Variants in ATP11C observed in about 807,000 individuals in gnomAD.
The protein encoded by ATP11C is phospholipid-transporting ATPase IG.
ATP11C carries 36 observed loss-of-function variants against 97.4 expected under a neutral mutation model. The ratio of observed to expected loss-of-function variants is 0.37; its 90% CI spans 0.28 to 0.49. The LOEUF is 0.49. Ranked by LOEUF, ATP11C falls within the 20% of genes least tolerant of loss-of-function variation. The pLI is 0.98. For missense variants in ATP11C, 730 were observed against 824.6 expected, an observed-to-expected ratio of 0.89 and a Z score of 1.40; for synonymous variants, 275 against 290.9, an observed-to-expected ratio of 0.95 and a Z score of 0.56.
At chrX:139,783,982 A>G (rs2082518859) in intron 16 of ATP11C, among the ~76,000 whole-genome samples, 1 of 112,530 alleles carries the variant, frequency 8.9e-6, no homozygotes, top group Admixed American at 9.4e-5. Flanking sequence ...AAACTATATT[A>G]ACTAGCTTCT....
intron 1 of ATP11C, among the ~76,000 whole-genome samples, chrX:139,920,962 T>C (rs1444959787): frequency 8.9e-6 from 1 of 111,870 alleles, no homozygotes. Flanking sequence ...TTTTCAGAAA[T>C]AGAACCTACT....
rs778666537 is a variant in ATP11C, at chrX:139,798,722, G to C, written c.732C>G (p.Leu244=). The change falls in exon 9 of 30, where the codon CTC becomes CTG. Residue 244 remains leucine, a synonymous_variant. Transcript: ENST00000682941. The stretch of plus-strand genomic sequence containing the variant: ...TTTTTAGCGTAGCTCCTTTCAGCAA[G>C]AGATTTTCAGGTCCCAAAGACCTAA... ...AVARSLGPEN[L]LLKGATLKNT... 32 of 1,206,315 alleles carry C rather than the reference G, an allele frequency of 2.7e-5. No homozygotes were observed. The highest frequency in any genetic ancestry group is 3.6e-5 in the Non-Finnish European group (32 of 892,016).
rs1414696849 is a variant in ATP11C, at chrX:139,796,971, A to C, written c.1008+205T>G. Among the ~76,000 whole-genome samples, 4 of 110,832 alleles carry C rather than the reference A, an allele frequency of 3.6e-5. No homozygotes were observed. In the East Asian group the frequency reaches 1.1e-3, roughly 31 times the overall value. ...TCTTTCTTTTACAATAAAGAAAATA[A>C]AAGTTTTTTTTACAAAAAAAACTTT... On this transcript the variant is annotated intron_variant, in intron 11 of 29. Coordinates refer to ENST00000682941, the MANE Select transcript of ATP11C (RefSeq NM_001353812.2).
At chrX:139,921,147 T>C (rs1396239826) in intron 1 of ATP11C, among the ~76,000 whole-genome samples, 1 of 111,509 alleles carries the variant, frequency 9.0e-6, no homozygotes, top group Non-Finnish European at 1.9e-5. Context: ...GCAGTCATGA[T>C]GATAAAGAAA....
chrX:139,769,281 CATATAT>C (rs55984113), intron 19 of ATP11C, among the ~76,000 whole-genome samples: 1,473 of 27,926 alleles, frequency 0.053, 29 homozygotes, highest in African/African-American at 0.077. Context: ...GGCAAACATA[CATATAT>C]ATATATATAT....
intron 1 of ATP11C, among the ~76,000 whole-genome samples, chrX:139,855,148 T>C (rs1420080137): frequency 8.9e-6 from 1 of 111,831 alleles, no homozygotes; most frequent in African/African-American, 3.3e-5. Context: ...CATTGTCAAA[T>C]ATAAAATGGT....
At position 139,757,790 on chromosome X, in the gene ATP11C, A is replaced by C. The variant is rs770133537; in HGVS notation, c.2700+18T>G. 2 of 1,134,602 alleles carry C rather than the reference A, an allele frequency of 1.8e-6. No homozygotes were observed. The highest frequency in any genetic ancestry group is 4.9e-5 in the Admixed American group (2 of 41,219). 93.5% of individuals were successfully genotyped at this position (1,134,602 alleles called of 1,213,427 possible). On this transcript the variant is annotated intron_variant, in intron 23 of 29. Coordinates refer to ENST00000682941, the MANE Select transcript of ATP11C (RefSeq NM_001353812.2). ...GCAAATGTAAACTATATTATAACGA[A>C]TAACTTGAGAAACAAACCTGTTGTG... is the stretch of plus-strand genomic sequence containing the variant.
Position 139,853,833 on chromosome X carries a change from C to CAAAAAAAAAAAAAAAAAAAAAAAAAAA in ATP11C, c.28-27037_28-27011dup, listed in dbSNP as rs934664774. On this transcript the variant is annotated intron_variant, in intron 1 of 29. Transcript: ENST00000682941. ...TCACCAGTTCAGAACTATCCTAAGT[C>CAAAAAAAAAAAAAAAAAAAAAAAAAAA]AAAAAAAAAAAAAAAAAAAAAAAAA... 9.4e-5 allele frequency among the ~76,000 whole-genome samples: 2 copies of CAAAAAAAAAAAAAAAAAAAAAAAAAAA among 21,270 alleles called. 1 individual carries two copies. The highest frequency in any genetic ancestry group is 3.4e-4 in the African/African-American group (2 of 5,799). 18.5% of individuals were successfully genotyped at this position (21,270 alleles called of 115,157 possible).
intron 1 of ATP11C, among the ~76,000 whole-genome samples, chrX:139,839,327 T>G (rs972907446): frequency 8.9e-6 from 1 of 111,955 alleles, no homozygotes; most frequent in Admixed American, 9.4e-5. Flanking sequence ...AAAATATAAA[T>G]GTACTAAATT....
chrX:139,935,486 G>A (rs76032787), upstream of ATP11C, among the ~76,000 whole-genome samples: 529 of 111,224 alleles, frequency 4.8e-3, 5 homozygotes, highest in African/African-American at 0.016. Context: ...CAATTGAATC[G>A]CTTGAACCTG....
At chrX:139,925,289 G>GATT (rs199593828) in intron 1 of ATP11C, among the ~76,000 whole-genome samples, 9 of 111,819 alleles carry the variant, frequency 8.0e-5, no homozygotes, top group Admixed American at 6.7e-4. Flanking sequence ...AAGCATACAG[G>GATT]ATTATTATTA....
intron 1 of ATP11C, among the ~76,000 whole-genome samples, chrX:139,851,317 G>A (rs1405074655): frequency 8.9e-6 from 1 of 112,274 alleles, no homozygotes; most frequent in Admixed American, 9.4e-5. Flanking sequence ...CATAAACCTT[G>A]GTGGTGTCTA....
chrX:139,728,845 T>G lies in ATP11C; in HGVS notation c.*121A>C. ...CATGAGAGTGGTTTAGTGTGTTGCG[T>G]ATCAAGTATCCTGAGATGATAACTT... On this transcript the variant is annotated 3_prime_UTR_variant, in exon 30 of 30. Coordinates refer to ENST00000682941, the MANE Select transcript of ATP11C (RefSeq NM_001353812.2). 3.1e-6 allele frequency: 3 copies of G among 975,407 alleles called. No homozygotes were observed. The South Asian group carries it at 6.2e-5, about 20-fold the overall frequency. The allele number at this position is 975,407 out of a possible 1,213,427, so 80.4% of individuals were successfully genotyped here.
chrX:139,769,293 TATATATATATATATATATATATATATA>T (rs2082204179), intron 19 of ATP11C, among the ~76,000 whole-genome samples: 1 of 57,614 alleles, frequency 1.7e-5, no homozygotes, highest in Admixed American at 2.1e-4. Flanking sequence ...TATATATATA[TATATATATATATATATATATATATATA>T]TATATATTCT....
At chrX:139,817,377 A>G (rs1464915358) in intron 3 of ATP11C, among the ~76,000 whole-genome samples, 1 of 112,385 alleles carries the variant, frequency 8.9e-6, no homozygotes, top group Non-Finnish European at 1.9e-5. Flanking sequence ...GGAGTTAACT[A>G]GACGAAAGGT....
intron 1 of ATP11C, among the ~76,000 whole-genome samples, chrX:139,852,450 TGCGGGGGGGGGGGGGGG>T (rs2084008185): frequency 9.4e-4 from 1 of 1,065 alleles, no homozygotes; most frequent in East Asian, 0.05. Flanking sequence ...CTCTCAGCAA[TGCGGGGGGGGGGGGGGG>T]GGGGGGGGGG....
chrX:139,864,269 G>A (rs1264161147), intron 1 of ATP11C, among the ~76,000 whole-genome samples: 1 of 111,574 alleles, frequency 9.0e-6, no homozygotes. Context: ...ACTTTACAGT[G>A]TATTTTTAGG....
intron 1 of ATP11C, among the ~76,000 whole-genome samples, chrX:139,841,758 C>G (rs1480984392): frequency 8.9e-6 from 1 of 112,015 alleles, no homozygotes; most frequent in Non-Finnish European, 1.9e-5. Flanking sequence ...ATGGAAAAGG[C>G]AATAAACAAT....
intron 19 of ATP11C, among the ~76,000 whole-genome samples, chrX:139,769,281 C>CATATATATATATATATATATAT (rs55984113): frequency 3.2e-4 from 9 of 28,074 alleles, no homozygotes; most frequent in Admixed American, 7.8e-4. Context: ...GGCAAACATA[C>CATATATATATATATATATATAT]ATATATATAT....
Sources: allele counts gnomAD v4.1 joint callset (sites outside exome capture counted in the v4.1 genomes callset), GRCh38; gene constraint gnomAD v4.1.1; transcripts MANE v1.5; gene names NCBI Gene and HGNC (gene_info 2026-07-23, HGNC 2026-07-21).